Variants in BRAF observed in about 807,000 individuals in gnomAD.
BRAF encodes the protein B-Raf proto-oncogene, serine/threonine kinase, also known as serine/threonine-protein kinase B-raf.
A neutral mutation model predicts 104.6 loss-of-function variants in BRAF; 16 were observed. The observed-to-expected ratio is 0.15, with a 90% CI of 0.10 to 0.23. BRAF has a LOEUF of 0.23. Among genes scored for constraint, BRAF ranks in the 10% least tolerant of loss-of-function variants. The probability of loss-of-function intolerance (pLI) is 1.00; values close to 1 mark genes in which losing one functional copy is unlikely to be tolerated. For missense variants in BRAF, 541 were observed against 937.3 expected, an observed-to-expected ratio of 0.58 and a Z score of 5.52; for synonymous variants, 310 against 341.6, an observed-to-expected ratio of 0.91 and a Z score of 1.02.
intron 1 of BRAF, among the ~76,000 whole-genome samples, chr7:140,880,788 T>C (rs907960334): frequency 3.4e-5 from 5 of 148,134 alleles, no homozygotes; most frequent in African/African-American, 7.7e-5. Context: ...CTGGGAAACA[T>C]AGACCCTGTC....
chr7:140,915,913 C>T (rs1438970655), intron 1 of BRAF, among the ~76,000 whole-genome samples: 3 of 152,034 alleles, frequency 2.0e-5, no homozygotes, highest in Non-Finnish European at 4.4e-5. Flanking sequence ...AATCCCAGCA[C>T]TCTGGGAAGG....
At chr7:140,766,104 G>A (rs1454818762) in intron 14 of BRAF, among the ~76,000 whole-genome samples, 1 of 152,146 alleles carries the variant, frequency 6.6e-6, no homozygotes, top group Non-Finnish European at 1.5e-5. Flanking sequence ...TATACACCAT[G>A]CAGCCATAAA....
chr7:140,779,381 C>T (rs1301181019), intron 12 of BRAF, among the ~76,000 whole-genome samples: 2 of 152,160 alleles, frequency 1.3e-5, no homozygotes, highest in Non-Finnish European at 2.9e-5. Flanking sequence ...GGAGTACAGG[C>T]ACATGCCACC....
At chr7:140,736,585 G>A (rs925412839) in intron 18 of BRAF, among the ~76,000 whole-genome samples, 1 of 151,758 alleles carries the variant, frequency 6.6e-6, no homozygotes, top group Non-Finnish European at 1.5e-5. Context: ...GTGCCACCAC[G>A]CCTGGCTAAT....
At chr7:140,867,266 T>C (rs915895940) in intron 1 of BRAF, among the ~76,000 whole-genome samples, 2 of 152,222 alleles carry the variant, frequency 1.3e-5, no homozygotes, top group Admixed American at 1.3e-4. Flanking sequence ...TTGCATGGTC[T>C]ATGTCTCTAT....
chr7:140,764,532 T>A (rs1350228643), intron 14 of BRAF, among the ~76,000 whole-genome samples: 1 of 151,686 alleles, frequency 6.6e-6, no homozygotes, highest in Non-Finnish European at 1.5e-5. Flanking sequence ...ACGACATGAT[T>A]GTATATCTAG....
At chr7:140,772,804 G>A (rs2129015722) in intron 14 of BRAF, among the ~76,000 whole-genome samples, 1 of 152,196 alleles carries the variant, frequency 6.6e-6, no homozygotes, top group Non-Finnish European at 1.5e-5. Flanking sequence ...TCCGAATTAT[G>A]TTGCATAATA....
chr7:140,788,063 A>T (rs79139043), intron 8 of BRAF, among the ~76,000 whole-genome samples: 8 of 152,288 alleles, frequency 5.3e-5, no homozygotes, highest in African/African-American at 9.6e-5. Context: ...TAATGGGATA[A>T]TCTGTGTGGC....
chr7:140,855,077 A>G (rs1481585150), intron 1 of BRAF, among the ~76,000 whole-genome samples: 4 of 152,218 alleles, frequency 2.6e-5, no homozygotes, highest in Non-Finnish European at 5.9e-5. Flanking sequence ...AAAAGTCACA[A>G]TGACCCTTGT....
At position 140,719,472 on chromosome 7, in the gene BRAF, A is replaced by C; in HGVS notation, c.*7022T>G. 9.8e-7 allele frequency: 1 copy of C among 1,016,572 alleles called. No individual in the cohort carries two copies. Among genetic ancestry groups the C allele is most frequent in the Non-Finnish European group, 1.2e-6 (1 of 841,536 alleles). 63.0% of individuals were successfully genotyped at this position (1,016,572 alleles called of 1,614,324 possible). A position where few individuals can be genotyped will look rare whatever the true frequency, so the allele number is the denominator to read the frequency against. ...AATTTCTTCAATCTGAATTTCAGCT[A>C]TCTTTTTTTATTCTCCATGCTTTCT... is the stretch of plus-strand genomic sequence containing the variant. On this transcript the variant is annotated 3_prime_UTR_variant, in exon 20 of 20. Coordinates refer to ENST00000644969, the MANE Select transcript of BRAF (RefSeq NM_001374258.1).
chr7:140,733,893 G>A (rs1163384862), intron 19 of BRAF: 44 of 669,600 alleles, frequency 6.6e-5, no homozygotes, highest in Non-Finnish European at 7.8e-5. Flanking sequence ...TTTAAAAAAA[G>A]CTATTTAAAA....
At chr7:140,834,973 T>A in intron 2 of BRAF, 101 bp from the exon 3 acceptor site, 1 of 1,359,792 alleles carries the variant, frequency 7.4e-7, no homozygotes, top group Non-Finnish European at 1.0e-6. Flanking sequence ...TTTCACCAGT[T>A]GATAGGGTTT....
chr7:140,716,089 A>G (rs1385580162), downstream of BRAF, among the ~76,000 whole-genome samples: 1 of 152,210 alleles, frequency 6.6e-6, no homozygotes, highest in African/African-American at 2.4e-5. Flanking sequence ...AGTTCACAAA[A>G]CAGTATTTAC....
At chr7:140,913,498 T>G (rs1005535532) in intron 1 of BRAF, among the ~76,000 whole-genome samples, 1 of 145,936 alleles carries the variant, frequency 6.9e-6, no homozygotes, top group Admixed American at 6.9e-5. Context: ...TTTTTTTTTT[T>G]TGTGAGACAG....
intron 2 of BRAF, among the ~76,000 whole-genome samples, chr7:140,843,225 G>T (rs2129068620): frequency 1.3e-5 from 2 of 152,266 alleles, no homozygotes; most frequent in South Asian, 4.2e-4. Flanking sequence ...GAGGATTTTT[G>T]AGAAAGATTT....
intron 14 of BRAF, among the ~76,000 whole-genome samples, chr7:140,756,232 A>C (rs1189969436): frequency 2.0e-5 from 3 of 152,210 alleles, no homozygotes; most frequent in African/African-American, 7.2e-5. Context: ...ATACAACCTG[A>C]AACAACACTT....
At chr7:140,809,952 C>A (rs1271870118) in intron 3 of BRAF, among the ~76,000 whole-genome samples, 1 of 152,166 alleles carries the variant, frequency 6.6e-6, no homozygotes, top group African/African-American at 2.4e-5. Context: ...ACAGGCAAAT[C>A]TGAGTTACTT....
At chr7:140,829,301 G>C (rs761991244) in intron 3 of BRAF, among the ~76,000 whole-genome samples, 11 of 149,556 alleles carry the variant, frequency 7.4e-5, no homozygotes, top group Non-Finnish European at 1.3e-4. Context: ...TCAACTCCTA[G>C]ATTTTACATG....
chr7:140,814,167 T>C (rs1804577785), intron 3 of BRAF, among the ~76,000 whole-genome samples: 1 of 152,110 alleles, frequency 6.6e-6, no homozygotes, highest in Non-Finnish European at 1.5e-5. Context: ...AATTTTTCTC[T>C]TAAAAAAATA....
Sources: allele counts gnomAD v4.1 joint callset (sites outside exome capture counted in the v4.1 genomes callset), GRCh38; gene constraint gnomAD v4.1.1; transcripts MANE v1.5; gene names NCBI Gene and HGNC (gene_info 2026-07-23, HGNC 2026-07-21).